The following NIPAL1 variants were observed in gnomAD, a reference collection of about 807,000 sequenced individuals.
NIPAL1 encodes the protein NIPA like domain containing 1.
Under a neutral mutation model 37.7 loss-of-function variants are expected in NIPAL1, and 35 were observed. The ratio of observed to expected loss-of-function variants is 0.93; its 90% confidence interval spans 0.71 to 1.23. The LOEUF is 1.23. Ranked by LOEUF, NIPAL1 falls within the 50% of genes most tolerant of loss-of-function variation. The probability of loss-of-function intolerance (pLI) is 0.00; values close to 1 mark genes in which losing one functional copy is unlikely to be tolerated. For missense variants in NIPAL1, 412 were observed against 473.9 expected, an observed-to-expected ratio of 0.87 and a Z score of 1.21; for synonymous variants, 162 against 183.0, an observed-to-expected ratio of 0.89 and a Z score of 0.93.
intron 3 of NIPAL1, among the ~76,000 whole-genome samples, chr4:48,032,700 A>G (rs1322894068): frequency 6.6e-6 from 1 of 152,234 alleles, no homozygotes; most frequent in Admixed American, 6.5e-5. Context: ...GAGTCACCAA[A>G]TATGTCTTCA....
At chr4:48,024,144 A>G (rs1715633909) in intron 1 of NIPAL1, among the ~76,000 whole-genome samples, 1 of 151,730 alleles carries the variant, frequency 6.6e-6, no homozygotes, top group South Asian at 2.1e-4. Context: ...ATGCCCCGCT[A>G]ATTTTTGTAT....
intron 2 of NIPAL1, among the ~76,000 whole-genome samples, chr4:48,026,087 G>C (rs1014944825): frequency 6.6e-6 from 1 of 152,040 alleles, no homozygotes; most frequent in African/African-American, 2.4e-5. Flanking sequence ...ACCGTACCTA[G>C]GATAATTTTT....
At chr4:48,030,222 A>C in intron 3 of NIPAL1, 46 bp downstream of exon 3, 2 of 1,149,970 alleles carry the variant, frequency 1.7e-6, no homozygotes, top group Non-Finnish European at 2.6e-6. Context: ...AAGATAGTAA[A>C]TAGATTACAT....
At chr4:48,019,468 A>G (rs1189963196) in intron 1 of NIPAL1, among the ~76,000 whole-genome samples, 1 of 152,234 alleles carries the variant, frequency 6.6e-6, no homozygotes, top group Non-Finnish European at 1.5e-5. Flanking sequence ...ATATGATGGA[A>G]AGTGACTGAG....
chr4:48,028,152 A>G (rs533666052), intron 2 of NIPAL1, among the ~76,000 whole-genome samples: 3 of 152,318 alleles, frequency 2.0e-5, no homozygotes, highest in African/African-American at 7.2e-5. Context: ...ACAAAGCTGG[A>G]GGTATCACAG....
chr4:48,028,845 C>G (rs1577625255), intron 2 of NIPAL1, among the ~76,000 whole-genome samples: 1 of 152,060 alleles, frequency 6.6e-6, no homozygotes, highest in African/African-American at 2.4e-5. Context: ...CAGAGAAATG[C>G]AAATTAAAAC....
intron 1 of NIPAL1, among the ~76,000 whole-genome samples, chr4:48,024,835 A>C (rs1169578461): frequency 1.3e-5 from 2 of 152,208 alleles, no homozygotes; most frequent in African/African-American, 2.4e-5. Context: ...CTTTCATGTG[A>C]AATAGCTCAT....
At chr4:48,028,887 A>G (rs1560324074) in intron 2 of NIPAL1, among the ~76,000 whole-genome samples, 1 of 152,216 alleles carries the variant, frequency 6.6e-6, no homozygotes, top group Non-Finnish European at 1.5e-5. Context: ...CACTAGTCAG[A>G]ATGGCTATTA....
chr4:48,022,407 A>G (rs1715592976), intron 1 of NIPAL1, among the ~76,000 whole-genome samples: 1 of 152,228 alleles, frequency 6.6e-6, no homozygotes, highest in African/African-American at 2.4e-5. Context: ...CATGCCTGCC[A>G]GTTGCAATGA....
intron 2 of NIPAL1, 137 bp downstream of exon 2, chr4:48,025,471 A>G: frequency 1.2e-6 from 1 of 823,462 alleles, no homozygotes; most frequent in Non-Finnish European, 1.9e-6. Flanking sequence ...TGTTAGAAAA[A>G]TACTTAGGTC....
At position 48,035,002 on chromosome 4, in the gene NIPAL1, A is replaced by G. The variant is rs1316670506; in HGVS notation, c.583A>G (p.Thr195Ala). 1 of 1,614,030 alleles carries G rather than the reference A, an allele frequency of 6.2e-7. No individual in the cohort carries two copies. The highest frequency in any genetic ancestry group is 8.5e-7 in the Non-Finnish European group (1 of 1,179,886). ...CCATGCCCCACAAGAAGAGGAAGTC[A>G]CATCTTTGCATGAAATGGAAATGAA... ...VIHAPQEEEVTSLHEMEMKLR... is the reference protein window; with the variant it reads ...VIHAPQEEEVASLHEMEMKLR... The change falls in exon 5 of 6, where the codon ACA becomes GCA. Residue 195 changes from threonine (T) to alanine (A), a missense_variant. Transcript: ENST00000295461.
At chr4:48,032,868 AT>A (rs1309012411) in intron 3 of NIPAL1, 124 bp from the exon 4 acceptor site, 1 of 600,834 alleles carries the variant, frequency 1.7e-6, no homozygotes, top group African/African-American at 1.9e-5. Flanking sequence ...ATGTTACATC[AT>A]TCTTTTTAGC....
intron 1 of NIPAL1, 94 bp downstream of exon 1, chr4:48,016,979 G>T: frequency 9.6e-7 from 1 of 1,045,768 alleles, no homozygotes. Flanking sequence ...TGGAAAGGGG[G>T]GCTGTACCGA....
At chr4:48,030,461 TTTC>T (rs1715795987) in intron 3 of NIPAL1, among the ~76,000 whole-genome samples, 1 of 152,206 alleles carries the variant, frequency 6.6e-6, no homozygotes, top group East Asian at 1.9e-4. Flanking sequence ...CTTCTTGTAT[TTTC>T]TTCACCATAA....
Position 48,035,552 on chromosome 4 carries a change from C to G in NIPAL1, c.623-10C>G, listed in dbSNP as rs2109373128. On this transcript the variant is annotated splice_polypyrimidine_tract_variant and intron_variant, in intron 5 of 5. Coordinates refer to ENST00000295461, the MANE Select transcript of NIPAL1 (RefSeq NM_207330.3). Reference sequence around the variant, plus strand: ...TTTTCTAAAGTCAAATTCTTTTCTCCTTCTAACAGGGTTTATTTCCTTTGC... The same window carrying G: ...TTTTCTAAAGTCAAATTCTTTTCTCGTTCTAACAGGGTTTATTTCCTTTGC... 6.3e-7 allele frequency: 1 copy of G among 1,589,248 alleles called. No individual in the cohort carries two copies. The highest frequency in any genetic ancestry group is 2.2e-5 in the East Asian group (1 of 44,814).
intron 1 of NIPAL1, among the ~76,000 whole-genome samples, chr4:48,017,609 C>T (rs76552755): frequency 0.11 from 16,978 of 152,232 alleles, 1,267 homozygotes; most frequent in South Asian, 0.27. Flanking sequence ...GGCGAGGCTC[C>T]TTGCCCTTCG....
chr4:48,031,212 A>G (rs905737393), intron 3 of NIPAL1, among the ~76,000 whole-genome samples: 3 of 151,902 alleles, frequency 2.0e-5, no homozygotes, highest in Non-Finnish European at 2.9e-5. Context: ...TTACAGGCAC[A>G]CACCACCACA....
At chr4:48,033,960 A>G (rs1193155880) in intron 4 of NIPAL1, among the ~76,000 whole-genome samples, 1 of 152,214 alleles carries the variant, frequency 6.6e-6, no homozygotes, top group East Asian at 1.9e-4. Flanking sequence ...TAATAGTAGT[A>G]TCTTCACTAA....
chr4:48,035,066 A>G (rs1182989178), intron 5 of NIPAL1, 25 bp downstream of exon 5: 4 of 1,592,998 alleles, frequency 2.5e-6, no homozygotes, highest in African/African-American at 1.3e-5. Context: ...CTAAAGAACC[A>G]CTCAAATTCT....
Sources: allele counts gnomAD v4.1 joint callset (sites outside exome capture counted in the v4.1 genomes callset), GRCh38; gene constraint gnomAD v4.1.1; transcripts MANE v1.5; gene names NCBI Gene and HGNC (gene_info 2026-07-23, HGNC 2026-07-21).